Variants in STPG2 observed in about 807,000 individuals in gnomAD.
STPG2 encodes sperm tail PG-rich repeat containing 2, also known as sperm-tail PG-rich repeat-containing protein 2.
In STPG2, 56 loss-of-function variants were observed where a neutral mutation model predicts 54.2. The observed-to-expected ratio is 1.03, with a 90% CI of 0.83 to 1.29. The LOEUF (loss-of-function observed/expected upper bound fraction) is 1.29. STPG2 is among the 50% of genes most tolerant of loss of function. STPG2 has a pLI of 0.00. For missense variants in STPG2, 596 were observed against 544.9 expected (o/e 1.09, Z -0.93); for synonymous variants, 200 against 181.8 (o/e 1.10, Z -0.81).
intron 4 of STPG2, among the ~76,000 whole-genome samples, chr4:97,538,588 G>A (rs924524578): frequency 1.3e-5 from 2 of 152,164 alleles, no homozygotes; most frequent in Non-Finnish European, 2.9e-5. Context: ...AAAGTGATGG[G>A]GAGAATGGAG....
chr4:97,665,488 T>C (rs933505686), intron 10 of STPG2, among the ~76,000 whole-genome samples: 1 of 152,106 alleles, frequency 6.6e-6, no homozygotes, highest in Admixed American at 6.5e-5. Flanking sequence ...CATCCTGTCA[T>C]CTTTTTGAGT....
intron 4 of STPG2, among the ~76,000 whole-genome samples, chr4:97,485,283 C>T (rs573469631): frequency 4.0e-5 from 6 of 151,588 alleles, no homozygotes; most frequent in Admixed American, 6.6e-5. Context: ...TGTTTGCTGA[C>T]GATATGATTG....
At chr4:98,028,367 G>C (rs1052873884) in intron 5 of STPG2, among the ~76,000 whole-genome samples, 2 of 152,082 alleles carry the variant, frequency 1.3e-5, no homozygotes, top group African/African-American at 2.4e-5. Context: ...TTCAACACTT[G>C]GCAGTCTCCT....
intron 8 of STPG2, among the ~76,000 whole-genome samples, chr4:97,874,550 T>A (rs1354291979): frequency 6.6e-6 from 1 of 151,842 alleles, no homozygotes; most frequent in African/African-American, 2.4e-5. Flanking sequence ...GAAACAGTGA[T>A]CTGCTTTCTA....
At chr4:97,461,385 T>C (rs994524058) in intron 4 of STPG2, among the ~76,000 whole-genome samples, 3 of 152,186 alleles carry the variant, frequency 2.0e-5, no homozygotes. Context: ...CAATGTGATG[T>C]TATTAGGAGG....
rs184471361 is a variant in STPG2 at position 97,582,665 on chromosome 4, C to G, written c.1321-23548G>C. ...TCAGAACACAGTCCACATAACTGAG[C>G]AAAAGATATAGGCTAGAATGATAAG... On this transcript the variant is annotated intron_variant, in intron 10 of 10. Transcript: ENST00000295268. Among the ~76,000 whole-genome samples the G allele has an allele frequency of 5.3e-5, 8 of 152,008 alleles. No individual in the cohort carries two copies. The South Asian group carries it at 1.5e-3, about 28-fold the overall frequency.
At chr4:97,815,913 G>A (rs1324324369) in intron 9 of STPG2, among the ~76,000 whole-genome samples, 1 of 152,134 alleles carries the variant, frequency 6.6e-6, no homozygotes, top group Non-Finnish European at 1.5e-5. Flanking sequence ...TAAGTTCTGG[G>A]ATACATGTGC....
At chr4:97,777,507 C>A (rs73832104) in intron 9 of STPG2, among the ~76,000 whole-genome samples, 2,816 of 152,266 alleles carry the variant, frequency 0.018, 77 homozygotes, top group African/African-American at 0.063. Flanking sequence ...GTTTTCTGGA[C>A]CACCACAAGA....
At chr4:98,084,024 G>A (rs1738433346) in intron 5 of STPG2, among the ~76,000 whole-genome samples, 1 of 151,832 alleles carries the variant, frequency 6.6e-6, no homozygotes, top group South Asian at 2.1e-4. Context: ...CAGCTGTTTT[G>A]TTGTTGTTGT....
At chr4:97,809,983 A>C (rs1475299471) in intron 9 of STPG2, among the ~76,000 whole-genome samples, 1 of 152,222 alleles carries the variant, frequency 6.6e-6, no homozygotes, top group Non-Finnish European at 1.5e-5. Context: ...TGACCCACAG[A>C]TGTCATGAAT....
At chr4:98,040,807 C>T (rs1454680361) in intron 5 of STPG2, among the ~76,000 whole-genome samples, 1 of 151,770 alleles carries the variant, frequency 6.6e-6, no homozygotes, top group Non-Finnish European at 1.5e-5. Flanking sequence ...TAGTCGAGCT[C>T]TTTTTTGTTT....
At chr4:97,597,539 T>C (rs1560678256) in intron 10 of STPG2, among the ~76,000 whole-genome samples, 2 of 152,024 alleles carry the variant, frequency 1.3e-5, no homozygotes, top group African/African-American at 2.4e-5. Context: ...TCCACCAAGA[T>C]TAAGTAGACT....
intron 9 of STPG2, among the ~76,000 whole-genome samples, chr4:97,735,771 T>A (rs1339028393): frequency 1.3e-5 from 2 of 151,928 alleles, no homozygotes; most frequent in African/African-American, 2.4e-5. Flanking sequence ...TGTCTGTGTG[T>A]GTATGTATGT....
At chr4:98,115,333 C>T (rs1403138151) in intron 3 of STPG2, among the ~76,000 whole-genome samples, 2 of 151,984 alleles carry the variant, frequency 1.3e-5, no homozygotes, top group East Asian at 3.8e-4. Flanking sequence ...TCATTCCAAT[C>T]ACAAACTTTG....
chr4:97,950,831 A>G (rs1733437467), intron 7 of STPG2, among the ~76,000 whole-genome samples: 1 of 152,158 alleles, frequency 6.6e-6, no homozygotes, highest in Non-Finnish European at 1.5e-5. Context: ...CTGTTTGGAG[A>G]CTAGATTGCC....
rs1175443482 is a variant in STPG2, at chr4:97,891,752, G to A, written c.1045-50820C>T. Among the ~76,000 whole-genome samples, 5 of 152,032 alleles carry A rather than the reference G, an allele frequency of 3.3e-5. No individual in the cohort carries two copies. In the South Asian group the frequency reaches 6.2e-4, roughly 19 times the overall value. On this transcript the variant is annotated intron_variant, in intron 8 of 10. Coordinates refer to ENST00000295268, the MANE Select transcript of STPG2 (RefSeq NM_174952.3). Reference sequence around the variant, plus strand: ...TTCTAGTCTTGTTTTTTGAAGAAGAGGATGAATTTTCTGGATTGGAATTAC... The same window carrying A: ...TTCTAGTCTTGTTTTTTGAAGAAGAAGATGAATTTTCTGGATTGGAATTAC...
chr4:97,456,140 G>T (rs749967486), intron 4 of STPG2, among the ~76,000 whole-genome samples: 6 of 152,190 alleles, frequency 3.9e-5, no homozygotes, highest in Non-Finnish European at 7.3e-5. Flanking sequence ...AGACATATTT[G>T]ATTATATTAG....
chr4:97,548,300 G>A (rs1413141643), intron 4 of STPG2, among the ~76,000 whole-genome samples: 1 of 152,052 alleles, frequency 6.6e-6, no homozygotes, highest in East Asian at 1.9e-4. Context: ...AAAACAGGCA[G>A]ATAGATAGAA....
chr4:97,926,792 A>C (rs1005551761), intron 8 of STPG2, among the ~76,000 whole-genome samples: 3 of 152,086 alleles, frequency 2.0e-5, no homozygotes, highest in African/African-American at 7.2e-5. Context: ...TTCTTCATTA[A>C]TATTATATTA....
Sources: gnomAD v4.1 joint callset for allele counts (sites outside exome capture counted in the v4.1 genomes callset) on GRCh38, gnomAD v4.1.1 for gene constraint, MANE v1.5 for transcripts, NCBI Gene and HGNC (gene_info 2026-07-23, HGNC 2026-07-21) for gene names.